LRR1: variants seen among roughly 807,000 people sequenced by gnomAD.
The protein encoded by LRR1 is leucine rich repeat protein 1.
In LRR1, 29 loss-of-function variants were observed where a neutral mutation model predicts 31.6. That is an observed-to-expected ratio of 0.92 (90% CI 0.68 to 1.25). The LOEUF is 1.25. Ranked by LOEUF, LRR1 falls within the 50% of genes most tolerant of loss-of-function variation. The pLI is 0.00. For missense variants in LRR1, 485 were observed against 487.2 expected, an observed-to-expected ratio of 1.00 and a Z score of 0.04; for synonymous variants, 179 against 181.4, an observed-to-expected ratio of 0.99 and a Z score of 0.10.
intron 2 of LRR1, among the ~76,000 whole-genome samples, chr14:49,604,398 C>T (rs1359901594): frequency 6.6e-6 from 1 of 152,076 alleles, no homozygotes; most frequent in Non-Finnish European, 1.5e-5. Context: ...ATCACTTAAT[C>T]CCACAAGTTA....
At chr14:49,611,324 A>T (rs1882502791) in intron 3 of LRR1, among the ~76,000 whole-genome samples, 1 of 152,004 alleles carries the variant, frequency 6.6e-6, no homozygotes, top group South Asian at 2.1e-4. Flanking sequence ...AAAATACAAA[A>T]ATTAGCCGGG....
At chr14:49,604,641 G>C (rs1882215468) in intron 2 of LRR1, among the ~76,000 whole-genome samples, 2 of 151,426 alleles carry the variant, frequency 1.3e-5, no homozygotes, top group African/African-American at 4.9e-5. Flanking sequence ...GCAGTGAACT[G>C]TGATTGCAGC....
intron 1 of LRR1, chr14:49,600,377 C>G (rs1882008523): frequency 1.3e-6 from 2 of 1,595,304 alleles, no homozygotes; most frequent in Non-Finnish European, 8.6e-7. Context: ...TCCGAGATGA[C>G]CCCAAAACTT....
chr14:49,599,233 T>A, intron 1 of LRR1, 30 bp downstream of exon 1: 1 of 1,554,450 alleles, frequency 6.4e-7, no homozygotes, highest in Non-Finnish European at 8.7e-7. Context: ...CCTGTCAGTC[T>A]CGCGTTCTTC....
chr14:49,598,974 G>T lies in LRR1; in HGVS notation c.-47G>T. ...GATGGCGGCGCCGGGTGGCGGGAAG[G>T]AGGAAGTTTCAAAGCCAGCTTGACG... On this transcript the variant is annotated 5_prime_UTR_variant, in exon 1 of 4. The change creates a premature stop within an existing upstream ORF in the 5' untranslated region. Transcript: ENST00000298288. 1 of 1,557,644 alleles carries T rather than the reference G, an allele frequency of 6.4e-7. No homozygotes were observed. Among genetic ancestry groups the T allele is most frequent in the Non-Finnish European group, 8.7e-7 (1 of 1,148,592 alleles).
At chr14:49,604,153 A>T (rs1295669145) in intron 2 of LRR1, among the ~76,000 whole-genome samples, 1 of 151,806 alleles carries the variant, frequency 6.6e-6, no homozygotes, top group Non-Finnish European at 1.5e-5. Context: ...AAAAAAAAAA[A>T]AAATTAGCCA....
At chr14:49,603,714 G>C (rs770639903) in intron 2 of LRR1, 3 of 514,244 alleles carry the variant, frequency 5.8e-6, no homozygotes, top group Non-Finnish European at 6.7e-6. Flanking sequence ...TTTTTAATGA[G>C]ACAGAGTCTC....
At chr14:49,607,100 T>C (rs1260816259) in intron 2 of LRR1, among the ~76,000 whole-genome samples, 1 of 151,708 alleles carries the variant, frequency 6.6e-6, no homozygotes, top group East Asian at 1.9e-4. Context: ...ATATCATGGC[T>C]TACTGCAGCC....
At chr14:49,599,838 C>T (rs1881975338) in intron 1 of LRR1, among the ~76,000 whole-genome samples, 1 of 146,844 alleles carries the variant, frequency 6.8e-6, no homozygotes, top group Admixed American at 6.8e-5. Flanking sequence ...CTCTCCCCTC[C>T]GGCGAGGGGA....
At position 49,608,002 on chromosome 14, in the gene LRR1, C is replaced by A; in HGVS notation, c.885C>A (p.Ser295=). ...TGCCTAGTGAATTTAGAAATTTATC[C>A]CTTGAATACTTGGATCTTTTTGGAA... The part of the protein sequence containing the change: ...PFLPSEFRNL[S]LEYLDLFGNT... Residue 295 remains serine, a synonymous_variant, in exon 3 of 4, where the codon TCC becomes TCA. Transcript: ENST00000298288. 1 of 1,613,936 alleles carries A rather than the reference C, an allele frequency of 6.2e-7. No individual in the cohort carries two copies. The highest frequency in any genetic ancestry group is 1.1e-5 in the South Asian group (1 of 91,040).
At chr14:49,601,774 CA>C in intron 1 of LRR1, 1 of 565,450 alleles carries the variant, frequency 1.8e-6, no homozygotes, top group Non-Finnish European at 2.8e-6. Context: ...AGAGCAGTAA[CA>C]TCCACCACCA....
At chr14:49,601,760 A>T in intron 1 of LRR1, 22 of 1,012,566 alleles carry the variant, frequency 2.2e-5, no homozygotes, top group Non-Finnish European at 2.7e-5. Flanking sequence ...GTTACTGGAC[A>T]GACAGAGCAG....
intron 1 of LRR1, 139 bp downstream of exon 1, chr14:49,599,342 C>A: frequency 1.0e-6 from 1 of 968,266 alleles, no homozygotes; most frequent in Non-Finnish European, 1.5e-6. Flanking sequence ...AGCCTTGAGA[C>A]CTACCATCAG....
chr14:49,608,114 C>T lies in LRR1; in HGVS notation c.997C>T (p.His333Tyr). ...LLESSARTIL[H>Y]NRIPYGSHII... is the part of the protein sequence containing the mutation. ...GGAATCTTCTGCACGAACCATATTACATAATAGGTAAGATTTTAATAGTCA... is the reference window on the plus strand; with the variant it reads ...GGAATCTTCTGCACGAACCATATTATATAATAGGTAAGATTTTAATAGTCA... Residue 333 changes from histidine (H) to tyrosine (Y), a missense_variant, in exon 3 of 4, where the codon CAT becomes TAT. His to Tyr is a moderately conservative substitution (Grantham distance 83). Transcript: ENST00000298288. 1 of 1,559,566 alleles carries T rather than the reference C, an allele frequency of 6.4e-7. No homozygotes were observed.
At chr14:49,609,465 C>T (rs563677169) in intron 3 of LRR1, among the ~76,000 whole-genome samples, 68 of 151,534 alleles carry the variant, frequency 4.5e-4, no homozygotes, top group Admixed American at 1.4e-3. Context: ...AGTGCAGTGG[C>T]GCCATCTCGG....
intron 3 of LRR1, among the ~76,000 whole-genome samples, chr14:49,608,543 T>C (rs928668960): frequency 6.6e-6 from 1 of 150,662 alleles, no homozygotes; most frequent in Non-Finnish European, 1.5e-5. Context: ...CATCAGCACA[T>C]GGATGTTGTT....
Position 49,599,217 on chromosome 14 carries a change from G to T in LRR1, c.183+14G>T. On this transcript the variant is annotated intron_variant, in intron 1 of 3. Transcript: ENST00000298288. ...ACCCGCTATGAGGTGCGTGAAGTGG[G>T]CAGGCCCTGTCAGTCTCGCGTTCTT... The T allele has an allele frequency of 1.9e-6, 3 of 1,589,452 alleles. No homozygotes were observed. The highest frequency in any genetic ancestry group is 2.6e-6 in the Non-Finnish European group (3 of 1,167,102).
intron 1 of LRR1, chr14:49,600,216 C>T: frequency 6.7e-7 from 1 of 1,483,548 alleles, no homozygotes; most frequent in Non-Finnish European, 9.4e-7. Flanking sequence ...CCATCTGAGG[C>T]CTTTATCTTA....
chr14:49,601,113 G>A (rs979594386), intron 1 of LRR1: 2 of 1,610,952 alleles, frequency 1.2e-6, no homozygotes, highest in African/African-American at 2.7e-5. Context: ...TACAGGAGAT[G>A]GGCCATACCT....
Sources: gnomAD v4.1 joint callset for allele counts (sites outside exome capture counted in the v4.1 genomes callset) on GRCh38, gnomAD v4.1.1 for gene constraint, MANE v1.5 for transcripts, NCBI Gene and HGNC (gene_info 2026-07-23, HGNC 2026-07-21) for gene names.